SYNE2: variants seen among roughly 807,000 people sequenced by gnomAD.
The protein encoded by SYNE2 is spectrin repeat containing nuclear envelope protein 2.
A neutral mutation model predicts 856.3 loss-of-function variants in SYNE2; 431 were observed. The observed-to-expected ratio is 0.50, with a 90% CI of 0.47 to 0.55. SYNE2 has a LOEUF of 0.55. SYNE2 is among the 20% of genes least tolerant of loss of function. SYNE2 has a pLI of 0.00. For missense variants in SYNE2, 8,129 were observed against 8,023.2 expected, an observed-to-expected ratio of 1.01 and a Z score of -0.50; for synonymous variants, 2,923 against 2,872.3, an observed-to-expected ratio of 1.02 and a Z score of -0.56.
At chr14:63,859,231 T>G (rs1892828855) in intron 1 of SYNE2, among the ~76,000 whole-genome samples, 1 of 152,216 alleles carries the variant, frequency 6.6e-6, no homozygotes, top group Non-Finnish European at 1.5e-5. Flanking sequence ...TGAGACACTC[T>G]AGGCTTGAGG....
chr14:64,084,838 G>T lies in SYNE2; in HGVS notation c.11485-2833G>T. On this transcript the variant is annotated intron_variant, in intron 57 of 115. Transcript: ENST00000555002. ...GCTCAAGGTCTCTCATGAGAATGCG[G>T]TCAAGGTGTCGACAAAGGCTGCAGG... 6.2e-6 allele frequency: 4 copies of T among 645,236 alleles called. No individual in the cohort carries two copies. The Admixed American group carries it at 9.1e-5, about 15-fold the overall frequency. 40.0% of individuals were successfully genotyped at this position (645,236 alleles called of 1,614,324 possible).
chr14:64,222,492 G>A (rs1157606454), intron 112 of SYNE2, among the ~76,000 whole-genome samples: 2 of 152,208 alleles, frequency 1.3e-5, no homozygotes. Context: ...ATCGCCTGAG[G>A]TCAGGAGTTC....
At chr14:64,106,063 A>AT (rs1037569332) in intron 64 of SYNE2, among the ~76,000 whole-genome samples, 4 of 151,244 alleles carry the variant, frequency 2.6e-5, no homozygotes, top group African/African-American at 7.3e-5. Context: ...AAAAAAAAAA[A>AT]GAAAGAAAGA....
At chr14:64,151,917 A>G (rs532974803) in intron 84 of SYNE2, among the ~76,000 whole-genome samples, 2 of 152,356 alleles carry the variant, frequency 1.3e-5, no homozygotes, top group African/African-American at 2.4e-5. Context: ...TCCTCTGAGT[A>G]GAGTGGCACC....
Position 64,209,488 on chromosome 14 carries a change from C to T in SYNE2, c.18450C>T (p.Asp6150=), listed in dbSNP as rs1344623986. ...TAGACGACTATTCTCGCTTTGAGGACTGGCTCAAGTCAGCTGAGAGGACGG... is the reference window on the plus strand; with the variant it reads ...TAGACGACTATTCTCGCTTTGAGGATTGGCTCAAGTCAGCTGAGAGGACGG... The part of the protein sequence containing the change: ...KFLDDYSRFE[D]WLKSAERTAA... Residue 6150 remains aspartate (D), a synonymous_variant, in exon 102 of 116, where the codon GAC becomes GAT. Transcript: ENST00000555002. The T allele has an allele frequency of 6.2e-7, 1 of 1,614,224 alleles. No homozygotes were observed. Among genetic ancestry groups the T allele is most frequent in the South Asian group, 1.1e-5 (1 of 91,082 alleles).
At chr14:63,948,748 G>GTATATATA (rs1159234815) in intron 6 of SYNE2, among the ~76,000 whole-genome samples, 5,930 of 120,592 alleles carry the variant, frequency 0.049, 454 homozygotes, top group Admixed American at 0.062. Context: ...AGATATGTGT[G>GTATATATA]TGTATATATA....
intron 98 of SYNE2, chr14:64,188,948 C>A: frequency 1.4e-6 from 1 of 703,600 alleles, no homozygotes; most frequent in Non-Finnish European, 2.6e-6. Flanking sequence ...TGCTTTCTCT[C>A]CATTAGAAAG....
intron 86 of SYNE2, 94 bp downstream of exon 86, chr14:64,158,889 CCACAGAGAAG>C: frequency 7.4e-7 from 1 of 1,356,560 alleles, no homozygotes. Context: ...TTGTGCCCTC[CCACAGAGAAG>C]CACAAAGCAT....
chr14:63,879,377 G>A (rs2094805559), intron 1 of SYNE2, among the ~76,000 whole-genome samples: 1 of 152,176 alleles, frequency 6.6e-6, no homozygotes. Context: ...TGAACTGTGG[G>A]TAGACTAAGG....
intron 87 of SYNE2, among the ~76,000 whole-genome samples, chr14:64,160,787 G>A (rs902227620): frequency 6.6e-6 from 1 of 152,078 alleles, no homozygotes; most frequent in African/African-American, 2.4e-5. Context: ...CTTTGACTCT[G>A]TAATTCTCCC....
chr14:64,139,634 A>G (rs1032102029), intron 79 of SYNE2, among the ~76,000 whole-genome samples: 1 of 151,948 alleles, frequency 6.6e-6, no homozygotes, highest in African/African-American at 2.4e-5. Flanking sequence ...GCTGGTCTCG[A>G]ACTCCTGACC....
intron 1 of SYNE2, among the ~76,000 whole-genome samples, chr14:63,778,336 CT>C (rs367572228): frequency 6.6e-6 from 1 of 151,910 alleles, no homozygotes; most frequent in African/African-American, 2.4e-5. Context: ...AATTAAACCT[CT>C]TTTTTTTAAT....
intron 114 of SYNE2, 101 bp from the exon 115 acceptor site, chr14:64,224,898 A>T (rs2098711559): frequency 8.8e-7 from 1 of 1,131,064 alleles, no homozygotes; most frequent in African/African-American, 1.6e-5. Flanking sequence ...GTAACACAAC[A>T]TAAAGGTGGT....
chr14:63,913,091 G>A (rs954357582), intron 2 of SYNE2, among the ~76,000 whole-genome samples: 40 of 151,916 alleles, frequency 2.6e-4, no homozygotes, highest in East Asian at 3.9e-4. Context: ...ACATCACTGC[G>A]CCTGGCTAAC....
chr14:64,170,320 T>C lies in SYNE2; in HGVS notation c.17093T>C (p.Leu5698Pro), dbSNP rs760050947. 4.3e-6 allele frequency: 7 copies of C among 1,614,208 alleles called. No individual in the cohort carries two copies. The highest frequency in any genetic ancestry group is 1.3e-5 in the African/African-American group (1 of 75,050). The change falls in exon 94 of 116, where the codon CTG becomes CCG. Residue 5698 changes from leucine to proline, a missense_variant. Leu to Pro is a moderately conservative substitution (Grantham distance 98). Coordinates refer to ENST00000555002, the MANE Select transcript of SYNE2 (RefSeq NM_182914.3). ...CAGAGGAAGGGTGACGTTGATGGGCTGGTGAGGCAGTGGCAAGATTTCACT... is the reference window on the plus strand; with the variant it reads ...CAGAGGAAGGGTGACGTTGATGGGCCGGTGAGGCAGTGGCAAGATTTCACT... ...VRQRKGDVDG[L>P]VRQWQDFTTS...
In SYNE2 at chr14:63,975,262, C is replaced by T. The variant is rs568101928; in HGVS notation, c.1129-1301C>T. Among the ~76,000 whole-genome samples, 5 of 152,106 alleles carry T rather than the reference C, an allele frequency of 3.3e-5. No homozygotes were observed. In the South Asian group the frequency reaches 1.0e-3, roughly 32 times the overall value. On this transcript the variant is annotated intron_variant, in intron 11 of 115. Transcript: ENST00000555002. ...TCCATTCTCCTTTCTCCTTGAGCCACAATTTTGATATCTTTAATGTGTTTC... is the reference window on the plus strand; with the variant it reads ...TCCATTCTCCTTTCTCCTTGAGCCATAATTTTGATATCTTTAATGTGTTTC...
chr14:64,097,889 G>T, intron 61 of SYNE2, 60 bp from the exon 62 acceptor site: 20 of 1,539,962 alleles, frequency 1.3e-5, no homozygotes, highest in Non-Finnish European at 1.8e-5. Flanking sequence ...GAAGCAGGCT[G>T]CTCTGGGCCT....
At position 64,225,660 on chromosome 14, in the gene SYNE2, C is replaced by T. The variant is rs1166185068; in HGVS notation, c.*134C>T. The T allele has an allele frequency of 1.0e-6, 1 of 985,134 alleles. No individual in the cohort carries two copies. The highest frequency in any genetic ancestry group is 1.6e-5 in the African/African-American group (1 of 61,662). 61.0% of individuals were successfully genotyped at this position (985,134 alleles called of 1,614,324 possible). On this transcript the variant is annotated 3_prime_UTR_variant, in exon 116 of 116. Transcript: ENST00000555002. ...TGTGCAGACTTCTTCTGGGCTTACCCAGCACGGGCTCCCTGGAGCCCAGGG... is the reference window on the plus strand; with the variant it reads ...TGTGCAGACTTCTTCTGGGCTTACCTAGCACGGGCTCCCTGGAGCCCAGGG...
intron 8 of SYNE2, among the ~76,000 whole-genome samples, chr14:63,957,880 G>A (rs1021942357): frequency 3.3e-5 from 5 of 152,046 alleles, no homozygotes; most frequent in African/African-American, 1.2e-4. Context: ...ACTTGGGAGA[G>A]TTATGCTCAC....
Sources: gnomAD v4.1 joint callset for allele counts (sites outside exome capture counted in the v4.1 genomes callset) on GRCh38, gnomAD v4.1.1 for gene constraint, MANE v1.5 for transcripts, NCBI Gene and HGNC (gene_info 2026-07-23, HGNC 2026-07-21) for gene names.